The following MRPS26 variants were observed in gnomAD, a reference collection of about 807,000 sequenced individuals.
MRPS26 encodes mitochondrial ribosomal protein S26, also known as small ribosomal subunit protein mS26.
MRPS26 carries 26 observed loss-of-function variants against 22.7 expected under a neutral mutation model. That is an observed-to-expected ratio of 1.15 (90% CI 0.84 to 1.59). MRPS26 has a LOEUF of 1.59. MRPS26 is among the 40% of genes most tolerant of loss of function. The pLI is 0.00. For synonymous variants in MRPS26, 120 were observed against 124.0 expected (o/e 0.97, Z 0.22); for missense variants, 291 against 287.7 (o/e 1.01, Z -0.08).
chr20:3,048,201 C>T lies in MRPS26; in HGVS notation c.*332C>T. Reference sequence around the variant, plus strand: ...TGATGGGAAGATTACAGTCTGAGGGCCAAACGTGCCTGCTTCCTGTTTTTG... The same window carrying T: ...TGATGGGAAGATTACAGTCTGAGGGTCAAACGTGCCTGCTTCCTGTTTTTG... On this transcript the variant is annotated 3_prime_UTR_variant, in exon 4 of 4. Transcript: ENST00000380325. This position sits in a 1 kb window ranked among gnomAD's most constrained non-coding sequence, Gnocchi z 4.1. 1 of 209,554 alleles carries T rather than the reference C, an allele frequency of 4.8e-6. No individual in the cohort carries two copies. The allele number at this position is 209,554 out of a possible 1,614,324, so 13.0% of individuals were successfully genotyped here.
chr20:3,047,898 G>A lies in MRPS26; in HGVS notation c.*29G>A. 5.7e-6 allele frequency: 9 copies of A among 1,575,860 alleles called. No individual in the cohort carries two copies. The highest frequency in any genetic ancestry group is 6.9e-6 in the Non-Finnish European group (8 of 1,167,416). ...CCCAGTAAGGACAGTGCCCGCCAGG[G>A]ACCATGTATGTATCATGGCGGAAGA... is the stretch of plus-strand genomic sequence containing the variant. On this transcript the variant is annotated 3_prime_UTR_variant, in exon 4 of 4. Transcript: ENST00000380325.
rs1439254850 is a variant in MRPS26 at position 3,046,641 on chromosome 20, G to A, written c.387G>A (p.Arg129=). ...TAGCGAGGCTGCGGCAGGAGGAGCG[G>A]GAGCAGGAGCAGCGGCAGGCGTTGG... is the stretch of plus-strand genomic sequence containing the variant. ...LRIARLRQEE[R]EQEQRQALEQ... The change falls in exon 3 of 4, where the codon CGG becomes CGA. Residue 129 remains arginine, a synonymous_variant. Coordinates refer to ENST00000380325, the MANE Select transcript of MRPS26 (RefSeq NM_030811.4). The A allele has an allele frequency of 5.2e-6, 8 of 1,539,748 alleles. No homozygotes were observed. The South Asian group carries it at 6.0e-5, about 11-fold the overall frequency.
rs2148557040 is a variant in MRPS26, at chr20:3,046,713, G to A, written c.459G>A (p.Lys153=). ...AEEVQAWAQR[K]EREVLQLQEE... ...AGGTGCAGGCCTGGGCGCAGCGCAA[G>A]GAGCGGGAAGTGCTGCAGCTGCAGG... Residue 153 remains lysine, a synonymous_variant, in exon 3 of 4, where the codon AAG becomes AAA. Coordinates refer to ENST00000380325, the MANE Select transcript of MRPS26 (RefSeq NM_030811.4). 1 of 1,543,730 alleles carries A rather than the reference G, an allele frequency of 6.5e-7. No individual in the cohort carries two copies. Among genetic ancestry groups the A allele is most frequent in the African/African-American group, 1.4e-5 (1 of 73,156 alleles).
Position 3,048,082 on chromosome 20 carries a change from C to T in MRPS26, c.*213C>T. The T allele has an allele frequency of 5.9e-6, 3 of 508,132 alleles. No homozygotes were observed. Among genetic ancestry groups the T allele is most frequent in the South Asian group, 3.2e-5 (1 of 31,580 alleles). The allele number at this position is 508,132 out of a possible 1,614,324, so 31.5% of individuals were successfully genotyped here. The stretch of plus-strand genomic sequence containing the variant: ...GCCGGTGTGTACAGCCTCAGCGCAC[C>T]AGGAGACCCTAGAGTGGTTTCCATC... On this transcript the variant is annotated 3_prime_UTR_variant, in exon 4 of 4. Transcript: ENST00000380325. This position sits in a 1 kb window ranked among gnomAD's most constrained non-coding sequence, Gnocchi z 4.1.
In MRPS26 at chr20:3,048,008, T is replaced by A; in HGVS notation, c.*139T>A. ...CCAGCACAGCCTTCACGTTTTGCCCTCTGCTGTCACCACTTGGTCAGAAAC... is the reference window on the plus strand; with the variant it reads ...CCAGCACAGCCTTCACGTTTTGCCCACTGCTGTCACCACTTGGTCAGAAAC... On this transcript the variant is annotated 3_prime_UTR_variant, in exon 4 of 4. Coordinates refer to ENST00000380325, the MANE Select transcript of MRPS26 (RefSeq NM_030811.4). The surrounding 1 kb of genome is among the most constrained non-coding windows in gnomAD (Gnocchi z 4.1). The A allele has an allele frequency of 9.5e-7, 1 of 1,054,458 alleles. No homozygotes were observed. The highest frequency in any genetic ancestry group is 1.3e-6 in the Non-Finnish European group (1 of 769,272). The allele number at this position is 1,054,458 out of a possible 1,614,324, so 65.3% of individuals were successfully genotyped here.
chr20:3,047,866 CT>C lies in MRPS26; in HGVS notation c.616del (p.Ter206ArgfsTer110). 1.2e-6 allele frequency: 2 copies of C among 1,603,802 alleles called. No homozygotes were observed. The highest frequency in any genetic ancestry group is 3.3e-4 in the Middle Eastern group (2 of 6,010). On this transcript the variant is annotated frameshift_variant and stop_lost, in exon 4 of 4. Coordinates refer to ENST00000380325, the MANE Select transcript of MRPS26 (RefSeq NM_030811.4). LOFTEE classifies it high-confidence loss of function. ...TGGTCAGGCCACAACGCAGGGACTC[CT>C]AGGGGCCCAGTAAGGACAGTGCCCG... Reference protein sequence around the residue: ...LVVRPQRRDS* With the variant: ...LVVRPQRRDSX
chr20:3,047,848 G>C lies in MRPS26; in HGVS notation c.597G>C (p.Arg199Ser). The change falls in exon 4 of 4, where the codon AGG becomes AGC. Residue 199 changes from arginine to serine, a missense_variant. Physicochemically the swap from Arg to Ser is moderately radical, Grantham distance 110. Transcript: ENST00000380325. ...TCACCAGAGAGGGGCTGGTGGTCAGGCCACAACGCAGGGACTCCTAGGGGC... is the reference window on the plus strand; with the variant it reads ...TCACCAGAGAGGGGCTGGTGGTCAGCCCACAACGCAGGGACTCCTAGGGGC... ...WAITREGLVV[R>S]PQRRDS The C allele has an allele frequency of 6.2e-7, 1 of 1,611,546 alleles. No individual in the cohort carries two copies. Among genetic ancestry groups the C allele is most frequent in the South Asian group, 1.1e-5 (1 of 90,824 alleles).
Position 3,046,525 on chromosome 20 carries a change from T to A in MRPS26, c.359+6T>A. 1 of 1,536,150 alleles carries A rather than the reference T, an allele frequency of 6.5e-7. No homozygotes were observed. The highest frequency in any genetic ancestry group is 8.7e-7 in the Non-Finnish European group (1 of 1,146,230). On this transcript the variant is annotated splice_donor_region_variant and intron_variant, in intron 2 of 3. Transcript: ENST00000380325. ...CGGCGGCTGCACGAGCTGCGGTGCGTGGGGCGGGAGGCGGGGCGGGGCGGC... is the reference window on the plus strand; with the variant it reads ...CGGCGGCTGCACGAGCTGCGGTGCGAGGGGCGGGAGGCGGGGCGGGGCGGC...
At position 3,047,756 on chromosome 20, in the gene MRPS26, A is replaced by G. The variant is rs749516507; in HGVS notation, c.505A>G (p.Thr169Ala). The change falls in exon 4 of 4, where the codon ACC becomes GCC. Residue 169 changes from threonine (T) to alanine (A), a missense_variant. By Grantham distance (58) the Thr-to-Ala change is moderately conservative. Transcript: ENST00000380325. ...QLQEEVKNFI[T>A]RENLEARVEA... is the part of the protein sequence containing the mutation. ...ATAGGAAGAGGTGAAAAACTTCATC[A>G]CCCGAGAGAACCTGGAGGCACGGGT... 6.2e-7 allele frequency: 1 copy of G among 1,613,576 alleles called. No individual in the cohort carries two copies. Among genetic ancestry groups the G allele is most frequent in the South Asian group, 1.1e-5 (1 of 91,030 alleles).
At position 3,047,637 on chromosome 20, in the gene MRPS26, G is replaced by A; in HGVS notation, c.484-98G>A. ...AGGCATGCTTCCCCAGGGAGAGCAG[G>A]AGCTGCTTTCTCAGTGGGGTGAGAG... On this transcript the variant is annotated intron_variant, in intron 3 of 3. Transcript: ENST00000380325. 7 of 1,512,914 alleles carry A rather than the reference G, an allele frequency of 4.6e-6. No homozygotes were observed. The South Asian group carries it at 7.1e-5, about 15-fold the overall frequency. 93.7% of individuals were successfully genotyped at this position (1,512,914 alleles called of 1,614,324 possible).
rs2065988926 is a variant in MRPS26, at chr20:3,046,475, G to A, written c.315G>A (p.Leu105=). The change falls in exon 2 of 4, where the codon CTG becomes CTA. Residue 105 remains leucine (L), a synonymous_variant. Coordinates refer to ENST00000380325, the MANE Select transcript of MRPS26 (RefSeq NM_030811.4). ...AGGACGCCGCCGAGCACCGCGAGCT[G>A]ATGGCCTGGAACCAGGCGGAGAACC... ...ALKDAAEHRE[L]MAWNQAENRR... is the part of the protein sequence containing the mutation. 3 of 1,587,102 alleles carry A rather than the reference G, an allele frequency of 1.9e-6. No homozygotes were observed. The highest frequency in any genetic ancestry group is 2.6e-6 in the Non-Finnish European group (3 of 1,171,842).
chr20:3,046,290 CG>C lies in MRPS26; in HGVS notation c.212+16del, dbSNP rs773010804. The C allele has an allele frequency of 1.2e-6, 2 of 1,604,744 alleles. No homozygotes were observed. Among genetic ancestry groups the C allele is most frequent in the Non-Finnish European group, 8.5e-7 (1 of 1,177,704 alleles). ...CCGTGCGCGCCCTCAGGTGTGCGGC[CG>C]GGGGGAGGTGGCCGCCCGCGCGCGC... On this transcript the variant is annotated intron_variant, in intron 1 of 3. Transcript: ENST00000380325.
At chr20:3,046,793 C>A in intron 3 of MRPS26, 56 bp downstream of exon 3, 1 of 1,519,888 alleles carries the variant, frequency 6.6e-7, no homozygotes, top group East Asian at 2.5e-5. Context: ...TTGCGGGGCA[C>A]TGGGAATTCT....
Position 3,046,622 on chromosome 20 carries a change from G to A in MRPS26, c.368G>A (p.Arg123Lys), listed in dbSNP as rs1290846316. Residue 123 changes from arginine to lysine, a missense_variant, in exon 3 of 4, where the codon AGG becomes AAG. Transcript: ENST00000380325. ...NRRLHELRIA[R>K]LRQEEREQEQ... ...CCCTTTGACCCTCACAGGATAGCGA[G>A]GCTGCGGCAGGAGGAGCGGGAGCAG... 4 of 1,540,572 alleles carry A rather than the reference G, an allele frequency of 2.6e-6. No homozygotes were observed. Among genetic ancestry groups the A allele is most frequent in the Admixed American group, 3.9e-5 (2 of 51,170 alleles).
In MRPS26 at chr20:3,047,757, C is replaced by T; in HGVS notation, c.506C>T (p.Thr169Ile). The stretch of plus-strand genomic sequence containing the variant: ...TAGGAAGAGGTGAAAAACTTCATCA[C>T]CCGAGAGAACCTGGAGGCACGGGTG... ...QLQEEVKNFITRENLEARVEA... is the reference protein window; with the variant it reads ...QLQEEVKNFIIRENLEARVEA... Residue 169 changes from threonine (T) to isoleucine (I), a missense_variant, in exon 4 of 4, where the codon ACC becomes ATC. By Grantham distance (89) the Thr-to-Ile change is moderately conservative. Coordinates refer to ENST00000380325, the MANE Select transcript of MRPS26 (RefSeq NM_030811.4). 1.2e-6 allele frequency: 2 copies of T among 1,613,756 alleles called. No homozygotes were observed. Among genetic ancestry groups the T allele is most frequent in the Non-Finnish European group, 1.7e-6 (2 of 1,179,858 alleles).
intron 3 of MRPS26, 66 bp downstream of exon 3, chr20:3,046,803 T>C: frequency 6.6e-7 from 1 of 1,515,906 alleles, no homozygotes; most frequent in Non-Finnish European, 8.8e-7. Context: ...CTGGGAATTC[T>C]GGGCACCGCG....
Position 3,046,741 on chromosome 20 carries a change from G to A in MRPS26, c.483+4G>A. 6.5e-7 allele frequency: 1 copy of A among 1,538,622 alleles called. No individual in the cohort carries two copies. Among genetic ancestry groups the A allele is most frequent in the Non-Finnish European group, 8.7e-7 (1 of 1,144,424 alleles). On this transcript the variant is annotated splice_donor_region_variant and intron_variant, in intron 3 of 3. Coordinates refer to ENST00000380325, the MANE Select transcript of MRPS26 (RefSeq NM_030811.4). Reference sequence around the variant, plus strand: ...GCGGGAAGTGCTGCAGCTGCAGGTGGGCAACGTCTCCGGAGGGTGGGACTC... The same window carrying A: ...GCGGGAAGTGCTGCAGCTGCAGGTGAGCAACGTCTCCGGAGGGTGGGACTC...
Position 3,046,523 on chromosome 20 carries a change from C to CGTGGGGCGGGAGGCGGG in MRPS26, c.359+6_359+22dup. 6.5e-7 allele frequency: 1 copy of CGTGGGGCGGGAGGCGGG among 1,537,384 alleles called. No homozygotes were observed. The highest frequency in any genetic ancestry group is 1.2e-5 in the South Asian group (1 of 83,276). ...ACCGGCGGCTGCACGAGCTGCGGTGCGTGGGGCGGGAGGCGGGGCGGGGCG... is the reference window on the plus strand; with the variant it reads ...ACCGGCGGCTGCACGAGCTGCGGTGCGTGGGGCGGGAGGCGGGGTGGGGCGGGAGGCGGGGCGGGGCG... On this transcript the variant is annotated splice_donor_region_variant and intron_variant, in intron 2 of 3. Coordinates refer to ENST00000380325, the MANE Select transcript of MRPS26 (RefSeq NM_030811.4).
At position 3,047,612 on chromosome 20, in the gene MRPS26, A is replaced by G. The variant is rs112001554; in HGVS notation, c.484-123A>G. 206 of 1,377,022 alleles carry G rather than the reference A, an allele frequency of 1.5e-4. 1 individual carries two copies. The African/African-American group carries it at 2.5e-3, about 17-fold the overall frequency. 85.3% of individuals were successfully genotyped at this position (1,377,022 alleles called of 1,614,324 possible). A position where few individuals can be genotyped will look rare whatever the true frequency, so the allele number is the denominator to read the frequency against. ...GGCTCTCAAATAGGACCTGGGTTCCAGGCATGCTTCCCCAGGGAGAGCAGG... is the reference window on the plus strand; with the variant it reads ...GGCTCTCAAATAGGACCTGGGTTCCGGGCATGCTTCCCCAGGGAGAGCAGG... On this transcript the variant is annotated intron_variant, in intron 3 of 3. Coordinates refer to ENST00000380325, the MANE Select transcript of MRPS26 (RefSeq NM_030811.4).
Sources: gnomAD v4.1 joint callset for allele counts on GRCh38, gnomAD v4.1.1 for gene constraint, Gnocchi (gnomAD v3.1) non-coding constraint, MANE v1.5 for transcripts, NCBI Gene and HGNC (gene_info 2026-07-23, HGNC 2026-07-21) for gene names.